OC90: variants seen among roughly 807,000 people sequenced by gnomAD.
OC90 encodes the protein otoconin-90.
In OC90, 46 loss-of-function variants were observed where a neutral mutation model predicts 47.3. The ratio of observed to expected loss-of-function variants is 0.97; its 90% CI spans 0.77 to 1.24. The LOEUF (loss-of-function observed/expected upper bound fraction) is 1.24, where lower values mean the gene tolerates loss of function less well. Ranked by LOEUF, OC90 falls within the 50% of genes most tolerant of loss-of-function variation. The pLI is 0.00. For synonymous variants in OC90, 271 were observed against 219.5 expected (o/e 1.23, Z -2.07); for missense variants, 688 against 583.9 (o/e 1.18, Z -1.84).
chr8:132,026,014 A>C (rs1822752239), intron 13 of OC90, among the ~76,000 whole-genome samples: 1 of 152,274 alleles, frequency 6.6e-6, no homozygotes, highest in Non-Finnish European at 1.5e-5. Flanking sequence ...ATAGATGATC[A>C]GTTAAATTTG....
At position 132,041,150 on chromosome 8, in the gene OC90, G is replaced by T; in HGVS notation, c.351C>A (p.Cys117Ter). The change falls in exon 6 of 14, where the codon TGC (cysteine) becomes TGA (stop). Residue 117 changes from cysteine to a stop codon, truncating the protein, a stop_gained. Coordinates refer to ENST00000254627, the MANE Select transcript of OC90 (RefSeq NM_001080399.3). LOFTEE classifies it high-confidence loss of function. The stretch of plus-strand genomic sequence containing the variant: ...CCTCATAGCACCTGCGGTGCTGGAA[G>T]CAGCAGCTGTAGGAAGGCCGGGAGG... ...GLPVDESDSC[C>*]FQHRRCYEEA... 1 of 1,611,324 alleles carries T rather than the reference G, an allele frequency of 6.2e-7. No homozygotes were observed. The highest frequency in any genetic ancestry group is 8.5e-7 in the Non-Finnish European group (1 of 1,177,544).
intron 2 of OC90, among the ~76,000 whole-genome samples, chr8:132,048,761 T>C (rs1335193310): frequency 6.6e-6 from 1 of 151,464 alleles, no homozygotes; most frequent in East Asian, 1.9e-4. Context: ...TTTAGAGAGG[T>C]GGCACCTGCC....
At chr8:132,036,115 A>G (rs1431425710) in intron 9 of OC90, among the ~76,000 whole-genome samples, 2 of 152,326 alleles carry the variant, frequency 1.3e-5, no homozygotes, top group East Asian at 3.9e-4. Context: ...ATGAGCCACT[A>G]TTTTATAAAG....
rs984051909 is a variant in OC90, at chr8:132,038,773, A to G, written c.628+17T>C. 6 of 1,611,128 alleles carry G rather than the reference A, an allele frequency of 3.7e-6. No homozygotes were observed. Among genetic ancestry groups the G allele is most frequent in the Admixed American group, 3.3e-5 (2 of 59,938 alleles). On this transcript the variant is annotated intron_variant, in intron 8 of 13. Transcript: ENST00000254627. ...GGCCCTTGTGGTTCAAGAGCCACCA[A>G]CCCTGGGAGGCCTTACCTCTGGGCA...
intron 9 of OC90, 82 bp downstream of exon 9, chr8:132,037,356 G>T: frequency 8.7e-7 from 1 of 1,147,496 alleles, no homozygotes. Context: ...GTTCTTGTGA[G>T]ATCTGGTTGT....
chr8:132,026,091 A>T (rs1822753513), intron 13 of OC90, among the ~76,000 whole-genome samples: 1 of 152,202 alleles, frequency 6.6e-6, no homozygotes, highest in South Asian at 2.1e-4. Context: ...AAGTTCATTG[A>T]TTATCTGAAA....
chr8:132,034,394 T>A (rs956553425), intron 10 of OC90, among the ~76,000 whole-genome samples: 4 of 152,288 alleles, frequency 2.6e-5, no homozygotes, highest in Middle Eastern at 3.4e-3. Flanking sequence ...AATGAGAAAA[T>A]AGCCATACAT....
chr8:132,042,433 TG>T (rs1397441134), intron 4 of OC90, among the ~76,000 whole-genome samples: 1 of 152,178 alleles, frequency 6.6e-6, no homozygotes, highest in Non-Finnish European at 1.5e-5. Flanking sequence ...GTTTGTCACA[TG>T]GGTAAATTGA....
At chr8:132,047,576 T>C (rs1823150570) in intron 2 of OC90, among the ~76,000 whole-genome samples, 1 of 152,168 alleles carries the variant, frequency 6.6e-6, no homozygotes, top group African/African-American at 2.4e-5. Flanking sequence ...ATCCAAAATA[T>C]ATAAAGCTAA....
chr8:132,053,374 C>A (rs1253450619), intron 2 of OC90, among the ~76,000 whole-genome samples: 1 of 152,066 alleles, frequency 6.6e-6, no homozygotes, highest in East Asian at 1.9e-4. Context: ...TAACAGAAAC[C>A]ACAAGTTCAA....
At chr8:132,049,964 C>T (rs1439379759) in intron 2 of OC90, 7 of 432,536 alleles carry the variant, frequency 1.6e-5, no homozygotes, top group Admixed American at 1.5e-4. Flanking sequence ...CATCTCACCT[C>T]TACGTGATTC....
chr8:132,055,469 G>C (rs1823269531), intron 1 of OC90, among the ~76,000 whole-genome samples: 1 of 152,204 alleles, frequency 6.6e-6, no homozygotes. Context: ...ATGCGGAAGG[G>C]AGGCAAGGTA....
At chr8:132,036,708 A>G (rs573504988) in intron 9 of OC90, among the ~76,000 whole-genome samples, 2 of 152,236 alleles carry the variant, frequency 1.3e-5, no homozygotes, top group Non-Finnish European at 2.9e-5. Flanking sequence ...GAAGCTTAAG[A>G]GAGAGTTTAG....
At chr8:132,053,484 CACAAACT>C (rs966433664) in intron 2 of OC90, among the ~76,000 whole-genome samples, 2 of 152,172 alleles carry the variant, frequency 1.3e-5, no homozygotes, top group African/African-American at 4.8e-5. Flanking sequence ...ATCTTAGTCT[CACAAACT>C]TGAAGCAAAC....
chr8:132,054,904 G>T (rs1823261793), intron 2 of OC90, 77 bp downstream of exon 2: 4 of 946,114 alleles, frequency 4.2e-6, no homozygotes, highest in East Asian at 5.7e-5. Context: ...GTGGGGGTGG[G>T]CCTGTTGAAG....
Position 132,044,465 on chromosome 8 carries a change from A to C in OC90, c.137T>G (p.Phe46Cys). 6.4e-7 allele frequency: 1 copy of C among 1,560,244 alleles called. No individual in the cohort carries two copies. The highest frequency in any genetic ancestry group is 8.7e-7 in the Non-Finnish European group (1 of 1,146,044). Residue 46 changes from phenylalanine to cysteine, a missense_variant, in exon 4 of 14, where the codon TTT becomes TGT. Phe to Cys is a radical substitution (Grantham distance 205, BLOSUM62 -2). Transcript: ENST00000254627. Reference sequence around the variant, plus strand: ...TTCAGCCACACTTTCCACATTTTTAAACATCCCACTGAAGAAAGTGATATC... The same window carrying C: ...TTCAGCCACACTTTCCACATTTTTACACATCCCACTGAAGAAAGTGATATC... ...NINITFFSGM[F>C]KNVESVAEIF...
chr8:132,041,963 A>G (rs1004631582), intron 4 of OC90, among the ~76,000 whole-genome samples: 1 of 152,202 alleles, frequency 6.6e-6, no homozygotes, highest in African/African-American at 2.4e-5. Context: ...AGGGTATTTC[A>G]TAATCACTCT....
At chr8:132,037,917 C>T (rs1412019510) in intron 8 of OC90, among the ~76,000 whole-genome samples, 1 of 152,224 alleles carries the variant, frequency 6.6e-6, no homozygotes, top group East Asian at 1.9e-4. Flanking sequence ...CGCTCACGCT[C>T]ATGTACACAC....
intron 13 of OC90, among the ~76,000 whole-genome samples, chr8:132,025,750 A>G (rs549711539): frequency 6.6e-6 from 1 of 152,280 alleles, no homozygotes; most frequent in South Asian, 2.1e-4. Context: ...CCTTAGATGT[A>G]CTTCTGTCTC....
Sources: allele counts gnomAD v4.1 joint callset (sites outside exome capture counted in the v4.1 genomes callset), GRCh38; gene constraint gnomAD v4.1.1; transcripts MANE v1.5; gene names NCBI Gene and HGNC (gene_info 2026-07-23, HGNC 2026-07-21).